The following EMC8 variants were observed in gnomAD, a reference collection of about 807,000 sequenced individuals.
EMC8 encodes COX4 neighbor.
In EMC8, 11 loss-of-function variants were observed where a neutral mutation model predicts 24.3. That is an observed-to-expected ratio of 0.45 (90% CI 0.28 to 0.75). EMC8 has a LOEUF of 0.75. Ranked by LOEUF, EMC8 falls within the 30% of genes least tolerant of loss-of-function variation. EMC8 has a pLI of 0.12. For missense variants in EMC8, 277 were observed against 282.7 expected (o/e 0.98, Z 0.14); for synonymous variants, 145 against 117.7 (o/e 1.23, Z -1.50).
At position 85,798,270 on chromosome 16, in the gene EMC8, C is replaced by A. The variant is rs540872431; in HGVS notation, c.231+795G>T. On this transcript the variant is annotated intron_variant, in intron 1 of 4. Transcript: ENST00000253457. ...CCGAGTGGCTGGGATGACAGGCGCC[C>A]GCCACCACGCCCGGCTAAGTTTTGT... 4.6e-5 allele frequency among the ~76,000 whole-genome samples: 7 copies of A among 151,914 alleles called. No homozygotes were observed. In the South Asian group the frequency reaches 1.2e-3, roughly 27 times the overall value.
intron 1 of EMC8, among the ~76,000 whole-genome samples, chr16:85,797,019 G>A (rs1024469543): frequency 6.6e-6 from 1 of 152,186 alleles, no homozygotes; most frequent in African/African-American, 2.4e-5. Context: ...TTAGAAAAGT[G>A]AATAATCCCG....
intron 1 of EMC8, among the ~76,000 whole-genome samples, chr16:85,790,668 C>T (rs115229126): frequency 0.018 from 2,690 of 152,204 alleles, 68 homozygotes; most frequent in African/African-American, 0.062. Flanking sequence ...CATGGGCCGG[C>T]CTCCTGAGTG....
chr16:85,794,888 G>A (rs941064604), intron 1 of EMC8, among the ~76,000 whole-genome samples: 15 of 152,160 alleles, frequency 9.9e-5, no homozygotes, highest in African/African-American at 3.6e-4. Flanking sequence ...GTCAGAGTGG[G>A]CCCCTGCGGT....
At chr16:85,783,974 G>A (rs1293602479) in intron 2 of EMC8, among the ~76,000 whole-genome samples, 1 of 152,114 alleles carries the variant, frequency 6.6e-6, no homozygotes, top group Non-Finnish European at 1.5e-5. Context: ...AGCTTTTTGT[G>A]GCAGGGACCA....
intron 1 of EMC8, among the ~76,000 whole-genome samples, chr16:85,795,632 G>A (rs1905218087): frequency 6.6e-6 from 1 of 152,214 alleles, no homozygotes; most frequent in Non-Finnish European, 1.5e-5. Context: ...AGAGGACGGG[G>A]AGCTTCCATG....
rs751095989 is a variant in EMC8, at chr16:85,799,210, A to G, written c.86T>C (p.Leu29Pro). ...AKYPHCAVNG[L>P]LVAEKQKPRK... ...CGGCTTCTGCTTCTCGGCCACCAGG[A>G]GCCCGTTGACGGCGCAGTGCGGGTA... Residue 29 changes from leucine (L) to proline (P), a missense_variant, in exon 1 of 5, where the codon CTC becomes CCC. Leu to Pro is a moderately conservative substitution (Grantham distance 98, BLOSUM62 -3). Coordinates refer to ENST00000253457, the MANE Select transcript of EMC8 (RefSeq NM_006067.5). This position sits in a 1 kb window ranked among gnomAD's most constrained non-coding sequence, Gnocchi z 4.2. 1 of 1,613,454 alleles carries G rather than the reference A, an allele frequency of 6.2e-7. No individual in the cohort carries two copies.
At chr16:85,784,437 T>C (rs765038316) in intron 2 of EMC8, 5 of 152,256 alleles carry the variant, frequency 3.3e-5, no homozygotes, top group Non-Finnish European at 7.3e-5. Flanking sequence ...AATTATTTTA[T>C]ATGATTATTG....
intron 1 of EMC8, among the ~76,000 whole-genome samples, chr16:85,793,540 G>A (rs569124028): frequency 6.6e-6 from 1 of 152,300 alleles, no homozygotes; most frequent in Non-Finnish European, 1.5e-5. Flanking sequence ...CCATCCCCAA[G>A]GTGGCACGTG....
Position 85,799,157 on chromosome 16 carries a change from G to C in EMC8, c.139C>G (p.Pro47Ala), listed in dbSNP as rs779133332. Residue 47 changes from proline (P) to alanine (A), a missense_variant, in exon 1 of 5, where the codon CCC (proline) becomes GCC (alanine). Physicochemically the swap from Pro to Ala is conservative, Grantham distance 27. Transcript: ENST00000253457. This position sits in a 1 kb window ranked among gnomAD's most constrained non-coding sequence, Gnocchi z 4.2. ...PRKEHLPLGG[P>A]GAHHTLFVDC... ...ACGAAGAGGGTGTGGTGGGCGCCGG[G>C]GCCGCCCAGGGGGAGGTGCTCCTTA... The C allele has an allele frequency of 6.2e-7, 1 of 1,607,916 alleles. No individual in the cohort carries two copies.
At chr16:85,798,759 C>A in intron 1 of EMC8, 1 of 355,192 alleles carries the variant, frequency 2.8e-6, no homozygotes. Context: ...CTGTCGAATC[C>A]CCACCAAGTG....
intron 2 of EMC8, among the ~76,000 whole-genome samples, chr16:85,782,563 G>A (rs1246676678): frequency 6.6e-6 from 1 of 152,158 alleles, no homozygotes; most frequent in Non-Finnish European, 1.5e-5. Flanking sequence ...GCATTGAACC[G>A]GTTCCCTCTA....
intron 1 of EMC8, among the ~76,000 whole-genome samples, chr16:85,789,610 G>A (rs1050412255): frequency 3.3e-5 from 5 of 152,162 alleles, no homozygotes; most frequent in Admixed American, 6.5e-5. Flanking sequence ...TGGCCAATGT[G>A]GAGAAACCCC....
rs147864274 is a variant in EMC8 at position 85,788,660 on chromosome 16, G to T, written c.308+314C>A. Among the ~76,000 whole-genome samples, 818 of 152,276 alleles carry T rather than the reference G, an allele frequency of 5.4e-3. 13 individuals are homozygous for T. The highest frequency in any genetic ancestry group is 0.019 in the African/African-American group (774 of 41,538). ...AGTGCTCTGCCCAACACCACCCCTAGTCTGGGAAGGGGAAGCAAGGCAGAG... is the reference window on the plus strand; with the variant it reads ...AGTGCTCTGCCCAACACCACCCCTATTCTGGGAAGGGGAAGCAAGGCAGAG... On this transcript the variant is annotated intron_variant, in intron 2 of 4. Coordinates refer to ENST00000253457, the MANE Select transcript of EMC8 (RefSeq NM_006067.5).
At position 85,779,673 on chromosome 16, in the gene EMC8, G is replaced by A. The variant is rs777461743; in HGVS notation, c.*35C>T. 3.7e-5 allele frequency: 60 copies of A among 1,602,642 alleles called. 2 individuals carry two copies. In the South Asian group the frequency reaches 6.2e-4, roughly 16 times the overall value. Reference sequence around the variant, plus strand: ...AATAGGTTTTCTTCTTCAACGTAGTGGAAAGGCCCGGAGCCCAGTCACAGC... The same window carrying A: ...AATAGGTTTTCTTCTTCAACGTAGTAGAAAGGCCCGGAGCCCAGTCACAGC... On this transcript the variant is annotated 3_prime_UTR_variant, in exon 5 of 5. Transcript: ENST00000253457.
At position 85,799,304 on chromosome 16, in the gene EMC8, G is replaced by T; in HGVS notation, c.-9C>A. On this transcript the variant is annotated 5_prime_UTR_variant, in exon 1 of 5. Transcript: ENST00000253457. The surrounding 1 kb of genome is among the most constrained non-coding windows in gnomAD (Gnocchi z 4.2). ...AGTTTCACCCCGGGCATGCTGACCC[G>T]GGAGGGCCCCGGAGGCCCCTGGGCG... 6.3e-7 allele frequency: 1 copy of T among 1,584,610 alleles called. No individual in the cohort carries two copies. Among genetic ancestry groups the T allele is most frequent in the South Asian group, 1.1e-5 (1 of 89,438 alleles).
rs78625475 is a variant in EMC8 at position 85,797,382 on chromosome 16, T to G, written c.231+1683A>C. Among the ~76,000 whole-genome samples the G allele has an allele frequency of 6.3e-3, 966 of 152,258 alleles. 9 individuals carry two copies. Among genetic ancestry groups the G allele is most frequent in the African/African-American group, 0.022 (900 of 41,558 alleles). On this transcript the variant is annotated intron_variant, in intron 1 of 4. Transcript: ENST00000253457. ...GAGATCATGCCATTGCACTCCAGGC[T>G]GGGTGACAAGAGCGAAACTCCATCT...
At chr16:85,782,406 A>G (rs923395497) in intron 2 of EMC8, among the ~76,000 whole-genome samples, 2 of 152,130 alleles carry the variant, frequency 1.3e-5, no homozygotes, top group African/African-American at 4.8e-5. Flanking sequence ...CCATTCCTGC[A>G]CCATGTCTCC....
At chr16:85,793,324 C>G (rs1330737635) in intron 1 of EMC8, among the ~76,000 whole-genome samples, 1 of 152,132 alleles carries the variant, frequency 6.6e-6, no homozygotes, top group Non-Finnish European at 1.5e-5. Flanking sequence ...CTATCTGCAG[C>G]AAAAAGTAGG....
intron 4 of EMC8, 72 bp from the exon 5 acceptor site, chr16:85,779,939 A>G: frequency 2.3e-6 from 3 of 1,324,232 alleles, no homozygotes; most frequent in Non-Finnish European, 3.2e-6. Flanking sequence ...TCAAGAGAGA[A>G]GGCCAGCCAC....
Sources: allele counts gnomAD v4.1 joint callset (sites outside exome capture counted in the v4.1 genomes callset), GRCh38; gene constraint gnomAD v4.1.1; non-coding constraint Gnocchi (gnomAD v3.1); transcripts MANE v1.5; gene names NCBI Gene and HGNC (gene_info 2026-07-23, HGNC 2026-07-21).